CSTF3: variants seen among roughly 807,000 people sequenced by gnomAD.
CSTF3 encodes the protein CF-1 77 kDa subunit.
Under a neutral mutation model 105.8 loss-of-function variants are expected in CSTF3, and 29 were observed. That is an observed-to-expected ratio of 0.27 (90% CI 0.20 to 0.37). CSTF3 has a LOEUF of 0.37. CSTF3 is among the 10% of genes least tolerant of loss of function. The pLI is 1.00. For synonymous variants in CSTF3, 252 were observed against 281.9 expected, an observed-to-expected ratio of 0.89 and a Z score of 1.06; for missense variants, 357 against 879.3, an observed-to-expected ratio of 0.41 and a Z score of 7.51.
intron 3 of CSTF3, among the ~76,000 whole-genome samples, chr11:33,122,930 A>AG (rs981208978): frequency 1.3e-5 from 2 of 149,084 alleles, no homozygotes; most frequent in African/African-American, 2.5e-5. Flanking sequence ...AAAAAAAAAA[A>AG]AAAAGAAAAG....
intron 3 of CSTF3, among the ~76,000 whole-genome samples, chr11:33,126,104 C>CT (rs982768465): frequency 6.6e-6 from 1 of 152,106 alleles, no homozygotes; most frequent in African/African-American, 2.4e-5. Flanking sequence ...ACTAAAAACT[C>CT]TAAAATCCAA....
intron 3 of CSTF3, among the ~76,000 whole-genome samples, chr11:33,119,920 T>G (rs1481260452): frequency 6.6e-6 from 1 of 151,804 alleles, no homozygotes; most frequent in African/African-American, 2.4e-5. Context: ...ATTGTATATT[T>G]ATTCAACCCT....
chr11:33,104,015 CAT>C (rs1219882692), intron 8 of CSTF3, among the ~76,000 whole-genome samples: 2 of 152,128 alleles, frequency 1.3e-5, no homozygotes, highest in Non-Finnish European at 2.9e-5. Flanking sequence ...TTTGTTGAGA[CAT>C]AGTCTTGCTA....
At chr11:33,148,824 C>T (rs1311225696) in intron 1 of CSTF3, among the ~76,000 whole-genome samples, 3 of 150,704 alleles carry the variant, frequency 2.0e-5, no homozygotes, top group Admixed American at 1.3e-4. Flanking sequence ...TGAGGGATTT[C>T]CAAGGAAAAA....
At chr11:33,137,955 G>A (rs1855671988) in intron 3 of CSTF3, among the ~76,000 whole-genome samples, 1 of 151,606 alleles carries the variant, frequency 6.6e-6, no homozygotes, top group Non-Finnish European at 1.5e-5. Flanking sequence ...TTTCAATTTA[G>A]GACACTCATG....
intron 1 of CSTF3, among the ~76,000 whole-genome samples, chr11:33,146,282 A>C (rs1855782082): frequency 6.6e-6 from 1 of 152,168 alleles, no homozygotes; most frequent in Non-Finnish European, 1.5e-5. Context: ...CGTTTAATAT[A>C]AATGTCCGAT....
intron 5 of CSTF3, among the ~76,000 whole-genome samples, chr11:33,106,387 G>A (rs1855325621): frequency 6.6e-6 from 1 of 152,010 alleles, no homozygotes; most frequent in Admixed American, 6.6e-5. Context: ...TTACACTTCA[G>A]CCTGGGTGAC....
In CSTF3 at chr11:33,147,412, T is replaced by C. The variant is rs11032173; in HGVS notation, c.28-5426A>G. Among the ~76,000 whole-genome samples the C allele has an allele frequency of 2.5e-3, 375 of 148,908 alleles. 7 individuals are homozygous for C. In the East Asian group the frequency reaches 0.058, roughly 23 times the overall value. On this transcript the variant is annotated intron_variant, in intron 1 of 20. Transcript: ENST00000323959. The stretch of plus-strand genomic sequence containing the variant: ...GAGTTCGAGACCAGCCTGGCCAACA[T>C]AGTAAAACCCCATCTCTATTAAAAA...
At chr11:33,118,108 G>C (rs560061055) in intron 3 of CSTF3, among the ~76,000 whole-genome samples, 1 of 148,988 alleles carries the variant, frequency 6.7e-6, no homozygotes, top group South Asian at 2.1e-4. Context: ...ATAAGAGAAA[G>C]AAAATTACAG....
At chr11:33,129,388 G>A (rs1267192761) in intron 3 of CSTF3, among the ~76,000 whole-genome samples, 2 of 151,114 alleles carry the variant, frequency 1.3e-5, no homozygotes, top group Non-Finnish European at 2.9e-5. Flanking sequence ...CACCAAGCCC[G>A]GCCTACTTTT....
At chr11:33,090,428 A>G in intron 17 of CSTF3, 104 bp downstream of exon 17, 1 of 706,550 alleles carries the variant, frequency 1.4e-6, no homozygotes, top group Non-Finnish European at 2.1e-6. Context: ...AATCTATTCT[A>G]AAACTAGATT....
chr11:33,108,683 A>C (rs1737588233), intron 3 of CSTF3, among the ~76,000 whole-genome samples: 1 of 152,224 alleles, frequency 6.6e-6, no homozygotes, highest in Non-Finnish European at 1.5e-5. Flanking sequence ...AAGTCATGAG[A>C]TGAATACAGA....
chr11:33,109,806 C>A (rs1855361904), intron 3 of CSTF3, among the ~76,000 whole-genome samples: 1 of 152,040 alleles, frequency 6.6e-6, no homozygotes, highest in Admixed American at 6.6e-5. Flanking sequence ...CTATTTGTTC[C>A]TTTTTTCTCC....
rs372998614 is a variant in CSTF3, at chr11:33,085,084, A to T, written c.*3T>A. ...GGAGTTTTCTGCAGAGGCGTTTAAAACCCTACCGAATCCGCTTCTGCTGCC... is the reference window on the plus strand; with the variant it reads ...GGAGTTTTCTGCAGAGGCGTTTAAATCCCTACCGAATCCGCTTCTGCTGCC... On this transcript the variant is annotated 3_prime_UTR_variant, in exon 21 of 21. Transcript: ENST00000323959. The T allele has an allele frequency of 9.9e-5, 159 of 1,613,934 alleles. No individual in the cohort carries two copies. The African/African-American group carries it at 2.0e-3, about 20-fold the overall frequency.
At chr11:33,096,528 T>C (rs2133772557) in intron 14 of CSTF3, 120 bp from the exon 15 acceptor site, 1 of 707,942 alleles carries the variant, frequency 1.4e-6, no homozygotes, top group East Asian at 2.8e-5. Context: ...CAAATTAAAA[T>C]CATGTTAAGT....
At chr11:33,098,803 C>A in intron 12 of CSTF3, 39 bp from the exon 13 acceptor site, 1 of 1,377,556 alleles carries the variant, frequency 7.3e-7, no homozygotes, top group South Asian at 1.6e-5. Context: ...AACATATGGT[C>A]ATAAATAAGC....
intron 3 of CSTF3, among the ~76,000 whole-genome samples, chr11:33,128,194 A>T (rs1198322911): frequency 6.6e-6 from 1 of 152,130 alleles, no homozygotes; most frequent in Non-Finnish European, 1.5e-5. Context: ...AAAATAACCA[A>T]TTTTTTATCT....
At chr11:33,144,222 T>A (rs375159980) in intron 1 of CSTF3, among the ~76,000 whole-genome samples, 61 of 152,352 alleles carry the variant, frequency 4.0e-4, no homozygotes, top group Non-Finnish European at 7.3e-4. Flanking sequence ...CAGATTTTTT[T>A]AATTACCTAG....
chr11:33,148,036 T>C (rs1243970068), intron 1 of CSTF3, among the ~76,000 whole-genome samples: 1 of 152,190 alleles, frequency 6.6e-6, no homozygotes, highest in South Asian at 2.1e-4. Context: ...TAGAGAGCTA[T>C]TTAAATTACT....
Sources: allele counts gnomAD v4.1 joint callset (sites outside exome capture counted in the v4.1 genomes callset), GRCh38; gene constraint gnomAD v4.1.1; transcripts MANE v1.5; gene names NCBI Gene and HGNC (gene_info 2026-07-23, HGNC 2026-07-21).